The following TLN2 variants were observed in gnomAD, a reference collection of about 807,000 sequenced individuals.
The protein encoded by TLN2 is talin-2.
Under a neutral mutation model 294.7 loss-of-function variants are expected in TLN2, and 118 were observed. The observed-to-expected ratio is 0.40, with a 90% CI of 0.34 to 0.47. The LOEUF (loss-of-function observed/expected upper bound fraction) is 0.47, where lower values mean the gene tolerates loss of function less well. Ranked by LOEUF, TLN2 falls within the 20% of genes least tolerant of loss-of-function variation. The probability of loss-of-function intolerance (pLI) is 0.84; values close to 1 mark genes in which losing one functional copy is unlikely to be tolerated. For missense variants in TLN2, 3,083 were observed against 3,282.2 expected (o/e 0.94, Z 1.48); for synonymous variants, 1,431 against 1,304.5 (o/e 1.10, Z -2.09).
At chr15:62,434,450 A>G (rs551284610) in intron 1 of TLN2, among the ~76,000 whole-genome samples, 3 of 151,794 alleles carry the variant, frequency 2.0e-5, no homozygotes, top group South Asian at 2.1e-4. Context: ...TCTTTTTTTT[A>G]TCTTTTGCTG....
intron 48 of TLN2, 65 bp downstream of exon 48, chr15:62,797,467 AGAAGAGGC>A: frequency 6.7e-7 from 1 of 1,491,006 alleles, no homozygotes; most frequent in Non-Finnish European, 8.9e-7. Flanking sequence ...ATCGGGCCTC[AGAAGAGGC>A]CTAAGGCAGA....
intron 1 of TLN2, among the ~76,000 whole-genome samples, chr15:62,497,028 T>C (rs1567031075): frequency 6.6e-6 from 1 of 152,288 alleles, no homozygotes; most frequent in South Asian, 2.1e-4. Flanking sequence ...CTCTGGATTA[T>C]ACCTGTCCCT....
intron 1 of TLN2, among the ~76,000 whole-genome samples, chr15:62,448,310 A>G (rs1566979180): frequency 6.6e-6 from 1 of 152,172 alleles, no homozygotes; most frequent in South Asian, 2.1e-4. Flanking sequence ...GTACATCCCA[A>G]TGCTTTACAG....
rs188167954 is a variant in TLN2 at position 62,605,680 on chromosome 15, C to T, written c.-161-12671C>T. ...GGAGATCTTGCTTCTTGTGGATAAC[C>T]GTGTGCTCTGCTTTTCTTCCTTGTG... On this transcript the variant is annotated intron_variant, in intron 2 of 58. Coordinates refer to ENST00000636159, the MANE Select transcript of TLN2 (RefSeq NM_015059.3). Among the ~76,000 whole-genome samples, 21 of 152,272 alleles carry T rather than the reference C, an allele frequency of 1.4e-4. No individual in the cohort carries two copies. The East Asian group carries it at 3.9e-3, about 28-fold the overall frequency.
In TLN2 at chr15:62,455,225, T is replaced by G. The variant is rs148715406; in HGVS notation, c.-238+64540T>G. 4.1e-4 allele frequency among the ~76,000 whole-genome samples: 63 copies of G among 152,058 alleles called. 2 individuals carry two copies. In the East Asian group the frequency reaches 0.012, roughly 29 times the overall value. On this transcript the variant is annotated intron_variant, in intron 1 of 58. Transcript: ENST00000636159. ...GTCCCCGACTCTTCCTGCAGGAGTGTGTAGGTCAGCAATATTGCAGTTTCC... is the reference window on the plus strand; with the variant it reads ...GTCCCCGACTCTTCCTGCAGGAGTGGGTAGGTCAGCAATATTGCAGTTTCC...
At chr15:62,822,675 T>TGTGTG (rs2067673449) in intron 54 of TLN2, among the ~76,000 whole-genome samples, 1 of 152,244 alleles carries the variant, frequency 6.6e-6, no homozygotes, top group African/African-American at 2.4e-5. Flanking sequence ...TTGTAGTTTA[T>TGTGTG]GTGTGCCCTT....
intron 52 of TLN2, among the ~76,000 whole-genome samples, chr15:62,811,600 G>C (rs2066683242): frequency 6.6e-6 from 1 of 152,172 alleles, no homozygotes; most frequent in Admixed American, 6.5e-5. Flanking sequence ...GTAGCTACAT[G>C]GCCACTGTGT....
chr15:62,557,581 C>G (rs1267267592), intron 1 of TLN2, among the ~76,000 whole-genome samples: 1 of 152,172 alleles, frequency 6.6e-6, no homozygotes, highest in Admixed American at 6.5e-5. Context: ...CCTGGGAACA[C>G]TGCAGTGGCG....
intron 1 of TLN2, among the ~76,000 whole-genome samples, chr15:62,470,352 C>G (rs559223304): frequency 6.6e-6 from 1 of 152,214 alleles, no homozygotes; most frequent in Non-Finnish European, 1.5e-5. Context: ...GTGAGGAAAA[C>G]GAGACCCTGG....
Position 62,707,178 on chromosome 15 carries a change from T to C in TLN2, c.2097T>C (p.Thr699=), listed in dbSNP as rs754549681. The change falls in exon 20 of 59, where the codon ACT becomes ACC. Residue 699 remains threonine (T), a synonymous_variant. Transcript: ENST00000636159. ...AKNVAQVAED[T]VLQNRVIAAA... is the part of the protein sequence containing the mutation. The stretch of plus-strand genomic sequence containing the variant: ...ATGTTGCCCAAGTGGCCGAAGACAC[T>C]GTCCTACAGAACAGGGTAATTGCTG... 15 of 1,614,124 alleles carry C rather than the reference T, an allele frequency of 9.3e-6. No homozygotes were observed. The highest frequency in any genetic ancestry group is 1.2e-5 in the Non-Finnish European group (14 of 1,180,052).
intron 1 of TLN2, among the ~76,000 whole-genome samples, chr15:62,450,693 G>C (rs1277265573): frequency 6.6e-6 from 1 of 151,974 alleles, no homozygotes; most frequent in African/African-American, 2.4e-5. Context: ...TCCTGCCTTA[G>C]CCTCCTGAGT....
At position 62,719,841 on chromosome 15, in the gene TLN2, C is replaced by G; in HGVS notation, c.2952C>G (p.Ala984=). The part of the protein sequence containing the change: ...GSQAQAEDLS[A]QLALIISSQN... ...AAGCTCAAGCTGAAGACCTGAGTGC[C>G]CAGCTGGCTCTCATCATCTCCAGCC... The change falls in exon 25 of 59, where the codon GCC becomes GCG. Residue 984 remains alanine (A), a synonymous_variant. Transcript: ENST00000636159. The G allele has an allele frequency of 6.2e-7, 1 of 1,612,254 alleles. No individual in the cohort carries two copies. Among genetic ancestry groups the G allele is most frequent in the Non-Finnish European group, 8.5e-7 (1 of 1,179,098 alleles).
chr15:62,534,294 A>T (rs1294447423), intron 1 of TLN2, among the ~76,000 whole-genome samples: 1 of 152,008 alleles, frequency 6.6e-6, no homozygotes, highest in African/African-American at 2.4e-5. Context: ...CCACAAGACT[A>T]CTCTCCACTT....
chr15:62,736,148 TA>T (rs1168340142), intron 28 of TLN2, among the ~76,000 whole-genome samples: 1 of 151,784 alleles, frequency 6.6e-6, no homozygotes, highest in East Asian at 1.9e-4. Flanking sequence ...CCGTCTCTAC[TA>T]AAAAAAGAAA....
At chr15:62,810,469 G>A (rs767482216) in intron 52 of TLN2, among the ~76,000 whole-genome samples, 2 of 152,174 alleles carry the variant, frequency 1.3e-5, no homozygotes, top group Non-Finnish European at 2.9e-5. Flanking sequence ...AGTGCTGCAA[G>A]TGACCCACCA....
chr15:62,447,419 TG>T (rs2035880896), intron 1 of TLN2, among the ~76,000 whole-genome samples: 1 of 151,568 alleles, frequency 6.6e-6, no homozygotes, highest in Non-Finnish European at 1.5e-5. Flanking sequence ...AATGGAGTGG[TG>T]GATGCTTCAC....
intron 1 of TLN2, among the ~76,000 whole-genome samples, chr15:62,430,952 A>G (rs1327863976): frequency 1.3e-5 from 2 of 148,538 alleles, no homozygotes; most frequent in South Asian, 2.1e-4. Flanking sequence ...AAAAATACAC[A>G]AAAACACCCA....
Position 62,652,709 on chromosome 15 carries a change from A to G in TLN2, c.365-453A>G, listed in dbSNP as rs543555128. Among the ~76,000 whole-genome samples the G allele has an allele frequency of 4.6e-5, 7 of 152,238 alleles. No homozygotes were observed. In the South Asian group the frequency reaches 1.4e-3, roughly 32 times the overall value. On this transcript the variant is annotated intron_variant, in intron 6 of 58. Coordinates refer to ENST00000636159, the MANE Select transcript of TLN2 (RefSeq NM_015059.3). ...GTGGCGGTGTTTCCCAAAAATTATT[A>G]TAGATGAGAGAATTGAATGTGACAT... is the stretch of plus-strand genomic sequence containing the variant.
chr15:62,824,555 A>T (rs1265766747), intron 54 of TLN2, among the ~76,000 whole-genome samples: 1 of 152,226 alleles, frequency 6.6e-6, no homozygotes, highest in Non-Finnish European at 1.5e-5. Context: ...TGAGTCAGTG[A>T]GCTTTGTACA....
Sources: allele counts gnomAD v4.1 joint callset (sites outside exome capture counted in the v4.1 genomes callset), GRCh38; gene constraint gnomAD v4.1.1; transcripts MANE v1.5; gene names NCBI Gene and HGNC (gene_info 2026-07-23, HGNC 2026-07-21).